ARL14EPL: variants seen among roughly 807,000 people sequenced by gnomAD.
ARL14EPL encodes ARL14 effector protein-like.
Under a neutral mutation model 15.9 loss-of-function variants are expected in ARL14EPL, and 17 were observed. The observed-to-expected ratio is 1.07, with a 90% CI of 0.73 to 1.60. The LOEUF is 1.60. ARL14EPL is among the 40% of genes most tolerant of loss of function. The pLI, the probability that ARL14EPL is intolerant of heterozygous loss-of-function variation, is 0.00. For missense variants in ARL14EPL, 214 were observed against 185.9 expected (o/e 1.15, Z -0.88); for synonymous variants, 78 against 63.8 (o/e 1.22, Z -1.06).
chr5:116,043,258 C>T (rs201495257), intron 1 of ARL14EPL, among the ~76,000 whole-genome samples: 49 of 150,876 alleles, frequency 3.2e-4, no homozygotes, highest in Non-Finnish European at 6.4e-4. Context: ...CTGATAATAC[C>T]ACTCATAACT....
intron 1 of ARL14EPL, among the ~76,000 whole-genome samples, chr5:116,042,895 A>G (rs1168303013): frequency 6.6e-6 from 1 of 152,186 alleles, no homozygotes; most frequent in East Asian, 1.9e-4. Context: ...TGCTTTTTAA[A>G]TTTAACAATA....
intron 1 of ARL14EPL, among the ~76,000 whole-genome samples, chr5:116,034,363 G>C (rs532087130): frequency 6.6e-6 from 1 of 152,156 alleles, no homozygotes; most frequent in Non-Finnish European, 1.5e-5. Context: ...CCTTTGACTT[G>C]TCAATAGTGA....
At chr5:116,045,425 G>C (rs1239197186) in intron 1 of ARL14EPL, among the ~76,000 whole-genome samples, 4 of 152,156 alleles carry the variant, frequency 2.6e-5, no homozygotes, top group Admixed American at 6.5e-5. Context: ...TTGGTGGAGG[G>C]GGGTAAACAG....
intron 1 of ARL14EPL, among the ~76,000 whole-genome samples, chr5:116,036,210 T>C (rs964119012): frequency 6.6e-6 from 1 of 152,182 alleles, no homozygotes; most frequent in African/African-American, 2.4e-5. Context: ...AGACCCATGC[T>C]CTCTACTGCT....
rs1488571960 is a variant in ARL14EPL, at chr5:116,054,089, A to G, written c.172A>G (p.Thr58Ala). The change falls in exon 3 of 4, where the codon ACA (threonine) becomes GCA (alanine). Residue 58 changes from threonine (T) to alanine (A), a missense_variant. Transcript: ENST00000686077. ...GPQVADFNPE[T>A]RQQKKKARMS... is the part of the protein sequence containing the mutation. ...ACAGGTAGCAGACTTTAATCCTGAAACAAGGCAGCAGAAAAAGAAAGCCCG... is the reference window on the plus strand; with the variant it reads ...ACAGGTAGCAGACTTTAATCCTGAAGCAAGGCAGCAGAAAAAGAAAGCCCG... 1 of 1,535,892 alleles carries G rather than the reference A, an allele frequency of 6.5e-7. No homozygotes were observed. The highest frequency in any genetic ancestry group is 8.7e-7 in the Non-Finnish European group (1 of 1,146,776).
In ARL14EPL at chr5:116,054,049, T is replaced by G; in HGVS notation, c.132T>G (p.Phe44Leu). The change falls in exon 3 of 4, where the codon TTT becomes TTG. Residue 44 changes from phenylalanine to leucine, a missense_variant. By Grantham distance (22) the Phe-to-Leu change is conservative (BLOSUM62 0). Coordinates refer to ENST00000686077, the MANE Select transcript of ARL14EPL (RefSeq NM_001195581.2). ...AGCGGCAGTTAAAATGCTTGGCATTTCGAAACCCTGGACCACAGGTAGCAG... is the reference window on the plus strand; with the variant it reads ...AGCGGCAGTTAAAATGCTTGGCATTGCGAAACCCTGGACCACAGGTAGCAG... ...QIERQLKCLAFRNPGPQVADF... is the reference protein window; with the variant it reads ...QIERQLKCLALRNPGPQVADF... The G allele has an allele frequency of 6.5e-7, 1 of 1,535,514 alleles. No homozygotes were observed. The highest frequency in any genetic ancestry group is 2.0e-5 in the Admixed American group (1 of 50,942).
intron 3 of ARL14EPL, among the ~76,000 whole-genome samples, chr5:116,056,127 T>C (rs920545092): frequency 1.3e-5 from 2 of 152,052 alleles, no homozygotes; most frequent in African/African-American, 4.8e-5. Flanking sequence ...TGTGTCTTTA[T>C]AGCAGCATGA....
intron 1 of ARL14EPL, among the ~76,000 whole-genome samples, chr5:116,035,083 G>A (rs991315046): frequency 3.3e-5 from 5 of 152,280 alleles, no homozygotes; most frequent in African/African-American, 1.2e-4. Flanking sequence ...GCCTTGGCAA[G>A]GCTCTGAATT....
intron 1 of ARL14EPL, among the ~76,000 whole-genome samples, chr5:116,050,517 T>C (rs777106665): frequency 5.3e-5 from 8 of 152,166 alleles, no homozygotes; most frequent in Non-Finnish European, 8.8e-5. Context: ...CGAGAGCAGT[T>C]TGGAGATTTC....
chr5:116,037,542 T>TG (rs200981509), intron 1 of ARL14EPL, among the ~76,000 whole-genome samples: 7,520 of 152,322 alleles, frequency 0.049, 535 homozygotes, highest in African/African-American at 0.16. Context: ...ATACATGCCC[T>TG]TCACATGGCA....
intron 1 of ARL14EPL, among the ~76,000 whole-genome samples, chr5:116,043,793 AT>A (rs1749211958): frequency 6.6e-6 from 1 of 151,946 alleles, no homozygotes; most frequent in South Asian, 2.1e-4. Flanking sequence ...CTTTTGGAAA[AT>A]TTTCCTCTGT....
chr5:116,042,113 G>A (rs1264362163), intron 1 of ARL14EPL, among the ~76,000 whole-genome samples: 5 of 152,198 alleles, frequency 3.3e-5, no homozygotes, highest in South Asian at 2.1e-4. Context: ...TTACAGGTGT[G>A]AGCCACAATG....
chr5:116,056,319 GAC>G, intron 3 of ARL14EPL, among the ~76,000 whole-genome samples: 1 of 152,242 alleles, frequency 6.6e-6, no homozygotes, highest in Admixed American at 6.5e-5. Context: ...GTTGTTTCCT[GAC>G]TTTTTAATGA....
intron 1 of ARL14EPL, among the ~76,000 whole-genome samples, chr5:116,050,816 T>TCTCTCTCTCTCTCTC (rs1561579525): frequency 1.2e-5 from 1 of 81,506 alleles, no homozygotes; most frequent in Admixed American, 1.2e-4. Context: ...CTCTCTCTCT[T>TCTCTCTCTCTCTCTC]ACACACACAC....
intron 1 of ARL14EPL, among the ~76,000 whole-genome samples, chr5:116,043,621 AAAT>A (rs1328366670): frequency 6.6e-6 from 1 of 152,192 alleles, no homozygotes; most frequent in Non-Finnish European, 1.5e-5. Flanking sequence ...AGAAACTTGT[AAAT>A]AATACAGGAT....
chr5:116,041,796 C>G (rs1451096389), intron 1 of ARL14EPL, among the ~76,000 whole-genome samples: 3 of 152,078 alleles, frequency 2.0e-5, no homozygotes, highest in Non-Finnish European at 4.4e-5. Context: ...TTTCAGGATT[C>G]ACTAATTGGC....
intron 1 of ARL14EPL, among the ~76,000 whole-genome samples, chr5:116,047,371 C>A (rs1420244009): frequency 6.6e-6 from 1 of 152,138 alleles, no homozygotes; most frequent in African/African-American, 2.4e-5. Context: ...TAAAATAAAT[C>A]TTGGAGCAGT....
At chr5:116,048,840 A>T (rs1230454198) in intron 1 of ARL14EPL, among the ~76,000 whole-genome samples, 1 of 152,184 alleles carries the variant, frequency 6.6e-6, no homozygotes, top group Non-Finnish European at 1.5e-5. Context: ...TCATTGAAGT[A>T]TTTTAATAGG....
intron 1 of ARL14EPL, among the ~76,000 whole-genome samples, chr5:116,040,700 T>C (rs1749134852): frequency 6.6e-6 from 1 of 151,022 alleles, no homozygotes; most frequent in Non-Finnish European, 1.5e-5. Flanking sequence ...TGTTTCAAAT[T>C]AGAAATTGTG....
Sources: gnomAD v4.1 joint callset for allele counts (sites outside exome capture counted in the v4.1 genomes callset) on GRCh38, gnomAD v4.1.1 for gene constraint, MANE v1.5 for transcripts, NCBI Gene and HGNC (gene_info 2026-07-23, HGNC 2026-07-21) for gene names.